Variants in RBPJ observed in about 807,000 individuals in gnomAD.
The protein encoded by RBPJ is recombination signal binding protein for immunoglobulin kappa J region.
RBPJ carries 9 observed loss-of-function variants against 67.8 expected under a neutral mutation model. The observed-to-expected ratio is 0.13, with a 90% CI of 0.08 to 0.23. The LOEUF (loss-of-function observed/expected upper bound fraction) is 0.23, where lower values mean the gene tolerates loss of function less well. RBPJ is among the 10% of genes least tolerant of loss of function. The pLI, the probability that RBPJ is intolerant of heterozygous loss-of-function variation, is 1.00. For synonymous variants in RBPJ, 198 were observed against 203.3 expected (o/e 0.97, Z 0.22); for missense variants, 305 against 595.6 (o/e 0.51, Z 5.08).
chr4:26,270,416 AGAAAGAAAGAAAGAAAGAAAGAAG>A, intron 1 of RBPJ, among the ~76,000 whole-genome samples: 1 of 56,138 alleles, frequency 1.8e-5, no homozygotes, highest in African/African-American at 4.5e-5. Context: ...AAAGAAAGAA[AGAAAGAAAGAAAGAAAGAAAGAAG>A]AAAGAAAGAA....
At chr4:26,152,424 T>TA in the RBPJ span, among the ~76,000 whole-genome samples, 2 of 152,234 alleles carry the variant, frequency 1.3e-5, no homozygotes, top group African/African-American at 4.8e-5. Context: ...AGATTGTTGT[T>TA]ACAGCAGCAT....
chr4:26,181,426 A>G (rs1352013401), intron 1 of RBPJ, among the ~76,000 whole-genome samples: 1 of 152,210 alleles, frequency 6.6e-6, no homozygotes, highest in East Asian at 1.9e-4. Context: ...CTAATGCGAT[A>G]GCCTTCCTCC....
intron 1 of RBPJ, among the ~76,000 whole-genome samples, chr4:26,323,741 C>A (rs767782871): frequency 1.3e-5 from 2 of 151,996 alleles, no homozygotes; most frequent in Non-Finnish European, 2.9e-5. Context: ...TGGGTAAGAT[C>A]AAAATTGGTT....
the RBPJ span, among the ~76,000 whole-genome samples, chr4:26,141,019 C>A: frequency 4.6e-5 from 7 of 152,134 alleles, no homozygotes; most frequent in Non-Finnish European, 8.8e-5. Flanking sequence ...GGTTAAGAAT[C>A]CACACTCTGG....
intron 1 of RBPJ, among the ~76,000 whole-genome samples, chr4:26,216,153 T>G (rs1718717698): frequency 6.6e-6 from 1 of 152,184 alleles, no homozygotes; most frequent in African/African-American, 2.4e-5. Context: ...GCTCTGTGTC[T>G]CAAATCTCCC....
intron 1 of RBPJ, among the ~76,000 whole-genome samples, chr4:26,268,306 A>C (rs976072104): frequency 2.6e-5 from 4 of 152,104 alleles, no homozygotes; most frequent in African/African-American, 9.7e-5. Flanking sequence ...TTTTCTGTGT[A>C]CGGTTCTGGT....
chr4:26,183,024 G>A (rs1039463678), intron 1 of RBPJ, among the ~76,000 whole-genome samples: 6 of 152,148 alleles, frequency 3.9e-5, no homozygotes, highest in African/African-American at 7.2e-5. Context: ...AACTTTTCAC[G>A]TAAGTAGAAG....
intron 7 of RBPJ, among the ~76,000 whole-genome samples, chr4:26,426,065 T>G (rs1294492176): frequency 6.6e-6 from 1 of 152,174 alleles, no homozygotes; most frequent in African/African-American, 2.4e-5. Context: ...TGTAAAGCTT[T>G]GCAGCTGAGA....
intron 1 of RBPJ, among the ~76,000 whole-genome samples, chr4:26,367,201 G>C (rs2109529960): frequency 6.6e-6 from 1 of 151,920 alleles, no homozygotes; most frequent in South Asian, 2.1e-4. Flanking sequence ...TATCAGTTCA[G>C]GCCAAGTGCA....
intron 1 of RBPJ, among the ~76,000 whole-genome samples, chr4:26,289,817 AGAATATACAG>A (rs1721608390): frequency 6.6e-6 from 1 of 150,622 alleles, no homozygotes; most frequent in Non-Finnish European, 1.5e-5. Flanking sequence ...TAGAACTTGG[AGAATATACAG>A]GAATTGAAGG....
chr4:26,236,217 G>A (rs1335237844), intron 1 of RBPJ, among the ~76,000 whole-genome samples: 5 of 152,218 alleles, frequency 3.3e-5, no homozygotes, highest in Non-Finnish European at 7.3e-5. Flanking sequence ...GTGACCTTGA[G>A]TGAGTAGGCC....
intron 4 of RBPJ, among the ~76,000 whole-genome samples, chr4:26,417,389 A>G (rs1192350529): frequency 6.6e-6 from 1 of 152,098 alleles, no homozygotes; most frequent in Non-Finnish European, 1.5e-5. Flanking sequence ...GCTGTTTTTC[A>G]TTATATCTTT....
intron 1 of RBPJ, among the ~76,000 whole-genome samples, chr4:26,176,283 C>T (rs1245952046): frequency 6.6e-6 from 1 of 152,108 alleles, no homozygotes; most frequent in Non-Finnish European, 1.5e-5. Flanking sequence ...GAAGATGGGT[C>T]TTATGGAGAC....
At chr4:26,390,590 A>T (rs1010183835) in intron 2 of RBPJ, among the ~76,000 whole-genome samples, 2 of 152,230 alleles carry the variant, frequency 1.3e-5, no homozygotes, top group Non-Finnish European at 2.9e-5. Context: ...CTGTATACTG[A>T]TGAGCAATGG....
At chr4:26,136,027 T>C in the RBPJ span, among the ~76,000 whole-genome samples, 4 of 152,138 alleles carry the variant, frequency 2.6e-5, no homozygotes, top group Non-Finnish European at 5.9e-5. Flanking sequence ...AGGAGCAAAG[T>C]CATGTCTTAC....
the RBPJ span, among the ~76,000 whole-genome samples, chr4:26,150,925 G>C: frequency 1.3e-5 from 2 of 152,218 alleles, no homozygotes; most frequent in Non-Finnish European, 1.5e-5. Flanking sequence ...TGCCCTCCAA[G>C]ATGTAAAGAT....
chr4:26,215,608 G>T (rs369656762), intron 1 of RBPJ, among the ~76,000 whole-genome samples: 1 of 152,084 alleles, frequency 6.6e-6, no homozygotes, highest in Non-Finnish European at 1.5e-5. Context: ...CGATTTTGCC[G>T]CAAGAATATT....
Position 26,268,827 on chromosome 4 carries a change from C to T in RBPJ, c.-166-93619C>T, listed in dbSNP as rs1720789611. Among the ~76,000 whole-genome samples, 3 of 151,998 alleles carry T rather than the reference C, an allele frequency of 2.0e-5. No homozygotes were observed. The South Asian group carries it at 6.2e-4, about 32-fold the overall frequency. The stretch of plus-strand genomic sequence containing the variant: ...CCACTTCATCATTCACTGAGTGATG[C>T]CCTTTCTATGAAATTAGGCAAAACA... On this transcript the variant is annotated intron_variant, in intron 1 of 4. Transcript: ENST00000512351.
rs181340163 is a variant in RBPJ, at chr4:26,398,903, C to T, written c.60-7272C>T. ...CTGGGATTACAGGCGGGAGCCACCT[C>T]GTCCAGCCCGTCTTTCAGAATTCTG... On this transcript the variant is annotated intron_variant, in intron 2 of 10. Coordinates refer to ENST00000355476, the MANE Select transcript of RBPJ (RefSeq NM_015874.6). Among the ~76,000 whole-genome samples, 270 of 152,282 alleles carry T rather than the reference C, an allele frequency of 1.8e-3. 1 individual carries two copies. Among genetic ancestry groups the T allele is most frequent in the Middle Eastern group, 6.8e-3 (2 of 294 alleles).
Sources: gnomAD v4.1 joint callset for allele counts (sites outside exome capture counted in the v4.1 genomes callset) on GRCh38, gnomAD v4.1.1 for gene constraint, MANE v1.5 for transcripts, NCBI Gene and HGNC (gene_info 2026-07-23, HGNC 2026-07-21) for gene names.